ANKRD24: variants seen among roughly 807,000 people sequenced by gnomAD.
ANKRD24 encodes the protein ankyrin repeat domain-containing protein 24.
Under a neutral mutation model 127.8 loss-of-function variants are expected in ANKRD24, and 109 were observed. That is an observed-to-expected ratio of 0.85 (90% CI 0.73 to 1.00). ANKRD24 has a LOEUF of 1.00. Among genes scored for constraint, ANKRD24 ranks in the 50% least tolerant of loss-of-function variants. The pLI, the probability that ANKRD24 is intolerant of heterozygous loss-of-function variation, is 0.00. For missense variants in ANKRD24, 1,648 were observed against 1,570.2 expected, an observed-to-expected ratio of 1.05 and a Z score of -0.84; for synonymous variants, 743 against 671.1, an observed-to-expected ratio of 1.11 and a Z score of -1.66.
At chr19:4,197,440 G>GAACAAATGAATGGGTGAGTT (rs1887516253) in intron 2 of ANKRD24, among the ~76,000 whole-genome samples, 5 of 152,256 alleles carry the variant, frequency 3.3e-5, no homozygotes, top group Non-Finnish European at 5.9e-5. Flanking sequence ...ATGGGTGAGT[G>GAACAAATGAATGGGTGAGTT]AACTAATGAA....
chr19:4,185,669 C>G (rs887083803), intron 1 of ANKRD24, among the ~76,000 whole-genome samples: 2 of 152,198 alleles, frequency 1.3e-5, no homozygotes, highest in Admixed American at 1.3e-4. Context: ...AGCCATTGCC[C>G]CAGACCTCCA....
At position 4,219,842 on chromosome 19, in the gene ANKRD24, A is replaced by C. The variant is rs353692; in HGVS notation, c.3171+84A>C. 2.3e-3 allele frequency: 3,214 copies of C among 1,407,660 alleles called. 55 individuals carry two copies. The African/African-American group carries it at 0.041, about 18-fold the overall frequency. 87.2% of individuals were successfully genotyped at this position (1,407,660 alleles called of 1,614,324 possible). ...CCAATCTACGAAGGTCCTCACTGCA[A>C]GGGCCTTGGAAAATCAACCCATTTT... On this transcript the variant is annotated intron_variant, in intron 19 of 21. Coordinates refer to ENST00000318934, the MANE Select transcript of ANKRD24 (RefSeq NM_001393985.1).
chr19:4,186,485 C>A, intron 2 of ANKRD24, 24 bp downstream of exon 2: 1 of 1,584,452 alleles, frequency 6.3e-7, no homozygotes, highest in East Asian at 2.3e-5. Context: ...CCTAGATGCC[C>A]GATACACCCC....
intron 11 of ANKRD24, among the ~76,000 whole-genome samples, chr19:4,209,191 A>G (rs1969559962): frequency 6.6e-6 from 1 of 151,902 alleles, no homozygotes; most frequent in Admixed American, 6.6e-5. Context: ...GCTCACTGCA[A>G]CCTTCACCCC....
intron 5 of ANKRD24, among the ~76,000 whole-genome samples, chr19:4,201,445 A>G (rs987445503): frequency 7.2e-5 from 11 of 152,022 alleles, no homozygotes; most frequent in African/African-American, 2.7e-4. Context: ...GACCCTGTAG[A>G]GTATCTGGGG....
At chr19:4,212,880 C>T (rs1165151313) in intron 15 of ANKRD24, among the ~76,000 whole-genome samples, 182 bp downstream of exon 15, 1 of 152,242 alleles carries the variant, frequency 6.6e-6, no homozygotes, top group African/African-American at 2.4e-5. Context: ...CGCCTGTCAT[C>T]CCAGCACTTT....
rs760143910 is a variant in ANKRD24 at position 4,217,934 on chromosome 19, A to G, written c.2774A>G (p.Glu925Gly). Residue 925 changes from glutamate to glycine, a missense_variant, in exon 18 of 22, where the codon GAG becomes GGG. Transcript: ENST00000318934. ...PASEHRRLQE[E>G]ALELRGRAAS... ...TCTGAGCACCGCCGGCTGCAGGAGGAGGCCCTGGAGCTGCGGGGCCGGGCA... is the reference window on the plus strand; with the variant it reads ...TCTGAGCACCGCCGGCTGCAGGAGGGGGCCCTGGAGCTGCGGGGCCGGGCA... The G allele has an allele frequency of 1.3e-6, 2 of 1,498,322 alleles. No individual in the cohort carries two copies. Among genetic ancestry groups the G allele is most frequent in the East Asian group, 2.7e-5 (1 of 36,960 alleles). 92.8% of individuals were successfully genotyped at this position (1,498,322 alleles called of 1,614,324 possible).
Position 4,200,286 on chromosome 19 carries a change from G to T in ANKRD24, c.343+115G>T, listed in dbSNP as rs1031360371. 1.7e-5 allele frequency: 20 copies of T among 1,155,942 alleles called. No homozygotes were observed. The Middle Eastern group carries it at 8.7e-4, about 50-fold the overall frequency. 71.6% of individuals were successfully genotyped at this position (1,155,942 alleles called of 1,614,324 possible). On this transcript the variant is annotated intron_variant, in intron 5 of 21. Transcript: ENST00000318934. ...ATGTTCCCCGCTGAAAAAAGGGGAG[G>T]CTCCCTCTGGTGCTCCTCCCCTGCC... is the stretch of plus-strand genomic sequence containing the variant.
chr19:4,207,155 C>A (rs2145323657), intron 7 of ANKRD24, 87 bp from the exon 8 acceptor site: 1 of 1,102,768 alleles, frequency 9.1e-7, no homozygotes. Flanking sequence ...AACTCCAGAA[C>A]TCAAGCGAAC....
chr19:4,215,897 C>A, intron 15 of ANKRD24, 81 bp from the exon 16 acceptor site: 1 of 1,147,042 alleles, frequency 8.7e-7, no homozygotes. Context: ...TGTGAACAGC[C>A]CAGTCCCCAC....
At chr19:4,205,821 G>A (rs903946185) in intron 7 of ANKRD24, among the ~76,000 whole-genome samples, 5 of 149,264 alleles carry the variant, frequency 3.3e-5, no homozygotes, top group East Asian at 4.0e-4. Context: ...GCACTCCAGC[G>A]TGGGTGCAGA....
chr19:4,192,525 C>G (rs1052244313), intron 2 of ANKRD24, among the ~76,000 whole-genome samples: 8 of 150,536 alleles, frequency 5.3e-5, no homozygotes, highest in African/African-American at 1.7e-4. Flanking sequence ...CTCGTATTTT[C>G]ATTTTTCACC....
chr19:4,185,617 C>T (rs352494), intron 1 of ANKRD24, among the ~76,000 whole-genome samples: 15,300 of 152,244 alleles, frequency 0.1, 751 homozygotes, highest in Non-Finnish European at 0.12. Context: ...CAGAAGTGCA[C>T]GTGTGCACAC....
At chr19:4,216,499 C>A in intron 17 of ANKRD24, 51 bp from the exon 18 acceptor site, 1 of 1,563,414 alleles carries the variant, frequency 6.4e-7, no homozygotes, top group Non-Finnish European at 8.7e-7. Flanking sequence ...CCTGTGTCCC[C>A]ACGGTCACAT....
intron 2 of ANKRD24, among the ~76,000 whole-genome samples, chr19:4,187,242 G>T (rs1968115010): frequency 6.6e-6 from 1 of 152,030 alleles, no homozygotes; most frequent in South Asian, 2.1e-4. Context: ...GTGAAACGTT[G>T]TCTCTACTAA....
intron 2 of ANKRD24, 66 bp downstream of exon 2, chr19:4,186,527 G>C: frequency 6.5e-7 from 1 of 1,535,034 alleles, no homozygotes. Flanking sequence ...CCTGGGGCTT[G>C]GCTGAAGATC....
intron 1 of ANKRD24, 78 bp downstream of exon 1, chr19:4,182,818 C>T (rs972094255): frequency 1.2e-6 from 1 of 863,852 alleles, no homozygotes; most frequent in African/African-American, 1.8e-5. Flanking sequence ...GAGAGTTCTC[C>T]AGTCACCTCT....
intron 2 of ANKRD24, among the ~76,000 whole-genome samples, chr19:4,197,897 GTGAA>G (rs1302784315): frequency 6.6e-5 from 10 of 152,082 alleles, no homozygotes; most frequent in East Asian, 1.9e-4. Context: ...GAACGAGTGA[GTGAA>G]TGAATGAACG....
chr19:4,205,315 G>T (rs183454371), intron 7 of ANKRD24, among the ~76,000 whole-genome samples: 20 of 152,342 alleles, frequency 1.3e-4, no homozygotes, highest in African/African-American at 4.6e-4. Flanking sequence ...ACGTGTTGTA[G>T]ATAAGGTTTG....
Sources: gnomAD v4.1 joint callset for allele counts (sites outside exome capture counted in the v4.1 genomes callset) on GRCh38, gnomAD v4.1.1 for gene constraint, MANE v1.5 for transcripts, NCBI Gene and HGNC (gene_info 2026-07-23, HGNC 2026-07-21) for gene names.